Variants in ZNF335 observed in about 807,000 individuals in gnomAD.
ZNF335 encodes the protein NRC-interacting factor 1.
ZNF335 carries 84 observed loss-of-function variants against 145.6 expected under a neutral mutation model. That is an observed-to-expected ratio of 0.58 (90% CI 0.48 to 0.69). The LOEUF (loss-of-function observed/expected upper bound fraction) is 0.69, where lower values mean the gene tolerates loss of function less well. ZNF335 is among the 30% of genes least tolerant of loss of function. The probability of loss-of-function intolerance (pLI) is 0.00; values close to 1 mark genes in which losing one functional copy is unlikely to be tolerated. For synonymous variants in ZNF335, 761 were observed against 717.0 expected (o/e 1.06, Z -0.98); for missense variants, 1,865 against 1,809.7 (o/e 1.03, Z -0.55).
In ZNF335 at chr20:45,968,321, T is replaced by C; in HGVS notation, c.484A>G (p.Thr162Ala). The change falls in exon 4 of 28, where the codon ACC becomes GCC. Residue 162 changes from threonine (T) to alanine (A), a missense_variant. Thr to Ala is a moderately conservative substitution (Grantham distance 58). Coordinates refer to ENST00000322927, the MANE Select transcript of ZNF335 (RefSeq NM_022095.4). ...CCCTGTAGGATCAGGTACCGTGTGG[T>C]CTCGGCCCCGCCATCCTCAGCACTG... The part of the protein sequence containing the change: ...VTSAEDGGAE[T>A]TRYLILQGPD... 1 of 1,612,520 alleles carries C rather than the reference T, an allele frequency of 6.2e-7. No homozygotes were observed. Among genetic ancestry groups the C allele is most frequent in the Non-Finnish European group, 8.5e-7 (1 of 1,179,326 alleles).
Position 45,963,633 on chromosome 20 carries a change from G to A in ZNF335, c.1373C>T (p.Pro458Leu). The A allele has an allele frequency of 6.2e-7, 1 of 1,614,250 alleles. No individual in the cohort carries two copies. The highest frequency in any genetic ancestry group is 8.5e-7 in the Non-Finnish European group (1 of 1,180,046). Residue 458 changes from proline to leucine, a missense_variant, in exon 9 of 28, where the codon CCC (proline) becomes CTC (leucine). Physicochemically the swap from Pro to Leu is moderately conservative, Grantham distance 98. Coordinates refer to ENST00000322927, the MANE Select transcript of ZNF335 (RefSeq NM_022095.4). ...CAGGAAGGGCCTCAAAAGTGGTTTG[G>A]GCGACTTGTAATAGTACCTGCAGGA... is the stretch of plus-strand genomic sequence containing the variant. The part of the protein sequence containing the change: ...KKYRKYYYKS[P>L]KPLLRPFLCR...
chr20:45,965,225 C>G (rs1211168977), intron 7 of ZNF335, among the ~76,000 whole-genome samples: 2 of 152,070 alleles, frequency 1.3e-5, no homozygotes, highest in Admixed American at 6.5e-5. Flanking sequence ...GGCGGCAGAG[C>G]TGGTGCTCAC....
chr20:45,968,557 G>A, intron 3 of ZNF335, 195 bp from the exon 4 acceptor site: 1 of 509,612 alleles, frequency 2.0e-6, no homozygotes. Flanking sequence ...GAGGTCTAGT[G>A]TGACATGCTG....
intron 17 of ZNF335, among the ~76,000 whole-genome samples, chr20:45,955,819 CAAA>C (rs11477111): frequency 6.9e-6 from 1 of 144,294 alleles, no homozygotes; most frequent in African/African-American, 2.5e-5. Flanking sequence ...GACTCCATCT[CAAA>C]AAAAAAAAAA....
At chr20:45,967,463 G>A in intron 6 of ZNF335, 31 bp downstream of exon 6, 1 of 1,614,046 alleles carries the variant, frequency 6.2e-7, no homozygotes, top group Non-Finnish European at 8.5e-7. Context: ...TGGGCATAGG[G>A]ATGGCAGGCC....
Position 45,969,520 on chromosome 20 carries a change from A to G in ZNF335, c.373T>C (p.Ser125Pro). ...PNMLVSDCTA[S>P]SSDLGSAIDK... is the part of the protein sequence containing the mutation. ...ATGGCCGAGCCCAGGTCCGAGGAGGAAGCTGTGCAGTCGGACACCAGCATG... is the reference window on the plus strand; with the variant it reads ...ATGGCCGAGCCCAGGTCCGAGGAGGGAGCTGTGCAGTCGGACACCAGCATG... The change falls in exon 3 of 28, where the codon TCC becomes CCC. Residue 125 changes from serine to proline, a missense_variant. Physicochemically the swap from Ser to Pro is moderately conservative, Grantham distance 74. Transcript: ENST00000322927. 2 of 1,585,428 alleles carry G rather than the reference A, an allele frequency of 1.3e-6. No homozygotes were observed. Among genetic ancestry groups the G allele is most frequent in the South Asian group, 1.1e-5 (1 of 90,000 alleles).
intron 15 of ZNF335, 42 bp downstream of exon 15, chr20:45,959,159 A>G (rs374924975): frequency 9.1e-6 from 12 of 1,313,364 alleles, no homozygotes; most frequent in African/African-American, 1.5e-5. Flanking sequence ...GGCTGGGAGA[A>G]GCGGCCTCAC....
chr20:45,970,945 C>T (rs1013766547), intron 2 of ZNF335, among the ~76,000 whole-genome samples: 6 of 152,102 alleles, frequency 3.9e-5, no homozygotes, highest in Non-Finnish European at 8.8e-5. Flanking sequence ...TAGCTAAGAC[C>T]ACAGCCTAGA....
intron 4 of ZNF335, 101 bp from the exon 5 acceptor site, chr20:45,968,128 A>C (rs1224218286): frequency 6.5e-7 from 1 of 1,544,940 alleles, no homozygotes; most frequent in Admixed American, 1.7e-5. Flanking sequence ...GTGCAGAACC[A>C]AATTCCCCAC....
chr20:45,949,869 G>A lies in ZNF335; in HGVS notation c.3600C>T (p.Ala1200=), dbSNP rs138802024. Residue 1200 remains alanine, a synonymous_variant, in exon 24 of 28, where the codon GCC becomes GCT. Transcript: ENST00000322927. ...CCGTGGTGATCTCTTGGATGTAGGCGGCTTCCTCCTGCCAGGACCAAGACA... is the reference window on the plus strand; with the variant it reads ...CCGTGGTGATCTCTTGGATGTAGGCAGCTTCCTCCTGCCAGGACCAAGACA... The part of the protein sequence containing the change: ...QEQTVTNQEE[A]AYIQEITTAD... The A allele has an allele frequency of 4.6e-5, 75 of 1,613,960 alleles. 1 individual carries two copies. The Middle Eastern group carries it at 4.9e-4, about 11-fold the overall frequency.
In ZNF335 at chr20:45,953,872, G is replaced by GTGGC. The variant is rs797046124; in HGVS notation, c.2515_2518dup (p.Thr840SerfsTer27). The GTGGC allele has an allele frequency of 3.1e-6, 5 of 1,613,908 alleles. No homozygotes were observed. The highest frequency in any genetic ancestry group is 4.2e-6 in the Non-Finnish European group (5 of 1,179,980). Reference sequence around the variant, plus strand: ...CACGTGGAGGGTGACCACCTGTGGAGTGGCACCTTCAGGGGAGGGCTGCCC... The same window carrying GTGGC: ...CACGTGGAGGGTGACCACCTGTGGAGTGGCTGGCACCTTCAGGGGAGGGCTGCCC... On this transcript the variant is annotated frameshift_variant, in exon 18 of 28. Transcript: ENST00000322927. LOFTEE classifies it high-confidence loss of function.
Position 45,960,298 on chromosome 20 carries a change from CG to C in ZNF335, c.1929del (p.His643GlnfsTer90). On this transcript the variant is annotated frameshift_variant, in exon 14 of 28. Coordinates refer to ENST00000322927, the MANE Select transcript of ZNF335 (RefSeq NM_022095.4). LOFTEE classifies it high-confidence loss of function. ...CTGCATTTGAAGGGCTTGTCACTGA[CG>C]TGGGACAACTGGTGGTTCAGCAGTG... The part of the protein sequence containing the change: ...KKALLNHQLS[H>X]VSDKPFKCSF... 1.2e-6 allele frequency: 2 copies of C among 1,614,202 alleles called. No individual in the cohort carries two copies. The highest frequency in any genetic ancestry group is 1.1e-5 in the South Asian group (1 of 91,088).
At chr20:45,954,738 G>C (rs2083694923) in intron 17 of ZNF335, among the ~76,000 whole-genome samples, 1 of 150,670 alleles carries the variant, frequency 6.6e-6, no homozygotes, top group Non-Finnish European at 1.5e-5. Flanking sequence ...CATACAGAGA[G>C]GAGTTCAACC....
At chr20:45,968,662 A>G (rs577840989) in intron 3 of ZNF335, 18 of 371,628 alleles carry the variant, frequency 4.8e-5, no homozygotes, top group Admixed American at 4.2e-4. Context: ...CTTCCTCTCC[A>G]AACTTCTCAA....
At chr20:45,949,308 T>G in intron 26 of ZNF335, 25 bp downstream of exon 26, 3 of 1,613,958 alleles carry the variant, frequency 1.9e-6, no homozygotes, top group Non-Finnish European at 2.5e-6. Flanking sequence ...GTGCCCCAGG[T>G]CTCCCTGTCC....
At position 45,967,876 on chromosome 20, in the gene ZNF335, A is replaced by C. The variant is rs773049538; in HGVS notation, c.672T>G (p.Gly224=). 5.0e-6 allele frequency: 8 copies of C among 1,612,746 alleles called. 1 individual carries two copies. The South Asian group carries it at 8.8e-5, about 18-fold the overall frequency. Residue 224 remains glycine (G), a synonymous_variant, in exon 5 of 28, where the codon GGT becomes GGG. Transcript: ENST00000322927. ...SSPVQLPPAS[G]AEEPDLQSLE... is the part of the protein sequence containing the mutation. ...GGCTCTGCAGGTCCGGCTCTTCGGCACCGGAGGCTGGGGGCAGCTGCACCG... is the reference window on the plus strand; with the variant it reads ...GGCTCTGCAGGTCCGGCTCTTCGGCCCCGGAGGCTGGGGGCAGCTGCACCG...
chr20:45,968,469 A>AG (rs2145417389), intron 3 of ZNF335, 107 bp from the exon 4 acceptor site: 1 of 1,028,286 alleles, frequency 9.7e-7, no homozygotes, highest in African/African-American at 1.6e-5. Flanking sequence ...GTCCACACTC[A>AG]TTCTGGCTCC....
rs763610106 is a variant in ZNF335, at chr20:45,965,640, C to G, written c.1090G>C (p.Asp364His). Residue 364 changes from aspartate (D) to histidine (H), a missense_variant, in exon 7 of 28, where the codon GAC becomes CAC. Physicochemically the swap from Asp to His is moderately conservative, Grantham distance 81 (BLOSUM62 -1). Transcript: ENST00000322927. ...GACCAAGCCTCACCATCTGGGAGGT[C>G]TGAGATCTCCAGGCGGGGCAGCTTC... ...PRKLPRLEIS[D>H]LPDGVEGEPL... 3.1e-6 allele frequency: 5 copies of G among 1,600,224 alleles called. No homozygotes were observed. Among genetic ancestry groups the G allele is most frequent in the Non-Finnish European group, 4.3e-6 (5 of 1,174,440 alleles).
At position 45,965,673 on chromosome 20, in the gene ZNF335, G is replaced by A. The variant is rs760033671; in HGVS notation, c.1057C>T (p.Arg353Trp). The change falls in exon 7 of 28, where the codon CGG becomes TGG. Residue 353 changes from arginine to tryptophan, a missense_variant. By Grantham distance (101) the Arg-to-Trp change is moderately radical. Coordinates refer to ENST00000322927, the MANE Select transcript of ZNF335 (RefSeq NM_022095.4). ...TCCAGGCGGGGCAGCTTCCGGGGCCGGCCAGGTCTCCTTCGGGGCCTTGGG... is the reference window on the plus strand; with the variant it reads ...TCCAGGCGGGGCAGCTTCCGGGGCCAGCCAGGTCTCCTTCGGGGCCTTGGG... ...STPRPRRRPG[R>W]PRKLPRLEIS... The A allele has an allele frequency of 3.8e-6, 6 of 1,599,498 alleles. No individual in the cohort carries two copies. Among genetic ancestry groups the A allele is most frequent in the Middle Eastern group, 3.5e-4 (2 of 5,758 alleles).
Sources: gnomAD v4.1 joint callset for allele counts (sites outside exome capture counted in the v4.1 genomes callset) on GRCh38, gnomAD v4.1.1 for gene constraint, MANE v1.5 for transcripts, NCBI Gene and HGNC (gene_info 2026-07-23, HGNC 2026-07-21) for gene names.